SASH1: variants seen among roughly 807,000 people sequenced by gnomAD.
SASH1 encodes the protein SAM and SH3 domain containing 1.
Under a neutral mutation model 125.2 loss-of-function variants are expected in SASH1, and 44 were observed. The ratio of observed to expected loss-of-function variants is 0.35; its 90% CI spans 0.28 to 0.45. The LOEUF is 0.45. SASH1 is among the 20% of genes least tolerant of loss of function. The probability of loss-of-function intolerance (pLI) is 1.00; values close to 1 mark genes in which losing one functional copy is unlikely to be tolerated. For missense variants in SASH1, 1,426 were observed against 1,614.5 expected (o/e 0.88, Z 2.00); for synonymous variants, 639 against 649.1 (o/e 0.98, Z 0.24).
rs1298254468 is a variant in SASH1, at chr6:148,490,174, C to T, written c.729+2459C>T. The stretch of plus-strand genomic sequence containing the variant: ...AACAGTGCTTCTTATTCTACAAGTT[C>T]CATAGGGATGATAGGAATGAAGGCT... On this transcript the variant is annotated intron_variant, in intron 8 of 19. Coordinates refer to ENST00000367467, the MANE Select transcript of SASH1 (RefSeq NM_015278.5). Among the ~76,000 whole-genome samples, 5 of 151,682 alleles carry T rather than the reference C, an allele frequency of 3.3e-5. No homozygotes were observed. In the East Asian group the frequency reaches 9.6e-4, roughly 29 times the overall value.
the SASH1 span, among the ~76,000 whole-genome samples, chr6:148,226,036 T>A: frequency 6.6e-6 from 1 of 152,228 alleles, no homozygotes; most frequent in African/African-American, 2.4e-5. Context: ...AGGAAGCCAC[T>A]TTCCCCTCTC....
chr6:148,453,043 G>A (rs1190407937), intron 4 of SASH1, among the ~76,000 whole-genome samples: 1 of 152,226 alleles, frequency 6.6e-6, no homozygotes, highest in Non-Finnish European at 1.5e-5. Context: ...GGAGCTTGGG[G>A]TAGGAGCAGC....
chr6:148,545,718 G>C (rs1160860334), intron 18 of SASH1, among the ~76,000 whole-genome samples: 1 of 152,122 alleles, frequency 6.6e-6, no homozygotes. Context: ...TTAAGATAAA[G>C]ATGTAAAAGT....
At chr6:148,437,076 G>A (rs1293336046) in intron 2 of SASH1, among the ~76,000 whole-genome samples, 2 of 152,120 alleles carry the variant, frequency 1.3e-5, no homozygotes, top group Non-Finnish European at 2.9e-5. Context: ...CTGAATAAAG[G>A]GGTCATGGCT....
intron 1 of SASH1, among the ~76,000 whole-genome samples, chr6:148,317,781 C>T (rs986610833): frequency 1.3e-5 from 2 of 152,184 alleles, no homozygotes; most frequent in African/African-American, 4.8e-5. Flanking sequence ...GATACTGGAT[C>T]CATTCAGGTT....
chr6:148,429,183 A>G (rs1422326477), intron 2 of SASH1, among the ~76,000 whole-genome samples: 1 of 152,094 alleles, frequency 6.6e-6, no homozygotes, highest in African/African-American at 2.4e-5. Flanking sequence ...CTTAAATAAA[A>G]ACATGAAAAT....
chr6:148,351,529 G>T (rs1241047068), intron 1 of SASH1, among the ~76,000 whole-genome samples: 3 of 151,674 alleles, frequency 2.0e-5, no homozygotes, highest in Non-Finnish European at 4.4e-5. Flanking sequence ...CTTTCTCCTA[G>T]CATGAGGTAG....
the SASH1 span, among the ~76,000 whole-genome samples, chr6:148,253,901 T>C: frequency 1.3e-5 from 2 of 150,688 alleles, no homozygotes; most frequent in African/African-American, 4.9e-5. Flanking sequence ...ATTTAATAAA[T>C]AAATAAAAAG....
intron 2 of SASH1, among the ~76,000 whole-genome samples, chr6:148,428,636 A>AAAAAAAAAAAAAAAAG (rs1775928835): frequency 6.6e-6 from 1 of 151,230 alleles, no homozygotes. Context: ...TCTCAAAAAA[A>AAAAAAAAAAAAAAAAG]AAAAAAGAGA....
At chr6:148,349,903 TG>T (rs1781661666) in intron 1 of SASH1, among the ~76,000 whole-genome samples, 1 of 151,400 alleles carries the variant, frequency 6.6e-6, no homozygotes. Flanking sequence ...TGGAGTACAG[TG>T]GTGTGATCTC....
Position 148,532,986 on chromosome 6 carries a change from CAG to C in SASH1, c.1734+23_1734+24del, listed in dbSNP as rs1562490869. The stretch of plus-strand genomic sequence containing the variant: ...CTCAAGGTATCTCTCTCCCTGGCCT[CAG>C]AGCAGCTAACTGGGCTCTTCCATTT... On this transcript the variant is annotated intron_variant, in intron 14 of 19. Coordinates refer to ENST00000367467, the MANE Select transcript of SASH1 (RefSeq NM_015278.5). The surrounding 1 kb of genome is among the most constrained non-coding windows in gnomAD (Gnocchi z 4.7). The C allele has an allele frequency of 6.2e-7, 1 of 1,612,190 alleles. No homozygotes were observed. The highest frequency in any genetic ancestry group is 1.3e-5 in the African/African-American group (1 of 75,014).
chr6:148,394,700 A>G (rs1783873034), intron 2 of SASH1, among the ~76,000 whole-genome samples: 1 of 151,630 alleles, frequency 6.6e-6, no homozygotes, highest in African/African-American at 2.4e-5. Flanking sequence ...GCTGGTGTGC[A>G]TTGGCGCAAT....
intron 1 of SASH1, among the ~76,000 whole-genome samples, chr6:148,385,956 G>A (rs968435330): frequency 1.8e-4 from 27 of 152,324 alleles, no homozygotes; most frequent in African/African-American, 6.3e-4. Flanking sequence ...AAAGGGGGTC[G>A]TGGGAACCCT....
the SASH1 span, among the ~76,000 whole-genome samples, chr6:148,267,240 A>G: frequency 6.6e-6 from 1 of 152,206 alleles, no homozygotes; most frequent in African/African-American, 2.4e-5. Context: ...GTTTCAATCA[A>G]GTCAGCGGTT....
chr6:148,514,074 C>A, intron 8 of SASH1: 1 of 1,213,162 alleles, frequency 8.2e-7, no homozygotes, highest in Non-Finnish European at 1.0e-6. Flanking sequence ...CCCCCACAGG[C>A]CACTTGCCCC....
At chr6:148,298,756 A>AAGAGAGAG (rs1554231140) in intron 1 of SASH1, among the ~76,000 whole-genome samples, 9 of 122,340 alleles carry the variant, frequency 7.4e-5, no homozygotes, top group South Asian at 5.9e-4. Context: ...AGGAAGGAAG[A>AAGAGAGAG]AAAGAGAGAA....
chr6:148,454,789 C>T (rs557792179), intron 4 of SASH1, among the ~76,000 whole-genome samples: 1 of 152,256 alleles, frequency 6.6e-6, no homozygotes, highest in Admixed American at 6.5e-5. Context: ...CCTTGTCAAG[C>T]CTTTCTTTAT....
chr6:148,448,110 G>GAA (rs1776887548), intron 4 of SASH1, among the ~76,000 whole-genome samples: 1 of 137,954 alleles, frequency 7.2e-6, no homozygotes. Flanking sequence ...TATTGCAGTG[G>GAA]AGAGAGTGTG....
intron 11 of SASH1, among the ~76,000 whole-genome samples, chr6:148,525,767 G>A (rs1032794229): frequency 2.6e-5 from 4 of 152,196 alleles, no homozygotes; most frequent in Non-Finnish European, 4.4e-5. Flanking sequence ...CCAAGAGTAT[G>A]TGCTGGCATT....
Sources: gnomAD v4.1 joint callset for allele counts (sites outside exome capture counted in the v4.1 genomes callset) on GRCh38, gnomAD v4.1.1 for gene constraint, Gnocchi (gnomAD v3.1) non-coding constraint, MANE v1.5 for transcripts, NCBI Gene and HGNC (gene_info 2026-07-23, HGNC 2026-07-21) for gene names.